ADAM12: variants seen among roughly 807,000 people sequenced by gnomAD.
ADAM12 encodes the protein ADAM metallopeptidase domain 12.
A neutral mutation model predicts 106.4 loss-of-function variants in ADAM12; 70 were observed. That is an observed-to-expected ratio of 0.66 (90% confidence interval 0.54 to 0.80). ADAM12 has a LOEUF of 0.80. ADAM12 is among the 30% of genes least tolerant of loss of function. The pLI, the probability that ADAM12 is intolerant of heterozygous loss-of-function variation, is 0.00. For synonymous variants in ADAM12, 420 were observed against 433.5 expected, an observed-to-expected ratio of 0.97 and a Z score of 0.39; for missense variants, 1,010 against 1,171.9, an observed-to-expected ratio of 0.86 and a Z score of 2.02.
intron 2 of ADAM12, among the ~76,000 whole-genome samples, chr10:126,311,210 G>A (rs761901481): frequency 1.8e-4 from 28 of 151,674 alleles, no homozygotes; most frequent in Non-Finnish European, 3.4e-4. Context: ...AAATTTAACC[G>A]GGCATCCTAT....
At chr10:126,142,939 T>C (rs911512584) in intron 4 of ADAM12, among the ~76,000 whole-genome samples, 7 of 152,042 alleles carry the variant, frequency 4.6e-5, no homozygotes, top group Admixed American at 4.6e-4. Context: ...TGCATGGGTG[T>C]GCATGTGTAT....
At chr10:126,193,821 C>T (rs548794476) in intron 3 of ADAM12, among the ~76,000 whole-genome samples, 98 of 152,082 alleles carry the variant, frequency 6.4e-4, no homozygotes, top group African/African-American at 2.0e-3. Context: ...CTCTTGAATT[C>T]GGGAGGCAGA....
At chr10:126,373,025 G>T (rs577976029) in intron 1 of ADAM12, among the ~76,000 whole-genome samples, 1 of 152,300 alleles carries the variant, frequency 6.6e-6, no homozygotes, top group Non-Finnish European at 1.5e-5. Context: ...CCAAATTTTA[G>T]TGGCAAATCA....
At chr10:126,276,453 T>A (rs1339373042) in intron 3 of ADAM12, among the ~76,000 whole-genome samples, 4 of 152,226 alleles carry the variant, frequency 2.6e-5, no homozygotes, top group African/African-American at 7.2e-5. Context: ...AGCATTTCAC[T>A]CTACTTGATT....
At position 126,183,339 on chromosome 10, in the gene ADAM12, G is replaced by A. The variant is rs535075079; in HGVS notation, c.261-28034C>T. On this transcript the variant is annotated intron_variant, in intron 3 of 22. Coordinates refer to ENST00000448723, the MANE Select transcript of ADAM12 (RefSeq NM_001288973.2). The stretch of plus-strand genomic sequence containing the variant: ...CCCTCAACCCCATTCCATGGAAAAA[G>A]TGTCTTCCACAAAACTGGTCCCTGG... Among the ~76,000 whole-genome samples the A allele has an allele frequency of 4.6e-5, 7 of 152,282 alleles. No individual in the cohort carries two copies. In the South Asian group the frequency reaches 1.5e-3, roughly 32 times the overall value.
intron 4 of ADAM12, among the ~76,000 whole-genome samples, chr10:126,136,029 G>A (rs892678728): frequency 4.6e-5 from 7 of 152,124 alleles, no homozygotes; most frequent in African/African-American, 1.2e-4. Flanking sequence ...AGAACTGTAG[G>A]GGGTATTTAA....
intron 1 of ADAM12, among the ~76,000 whole-genome samples, chr10:126,381,498 T>TA (rs1856491826): frequency 1.3e-5 from 2 of 151,932 alleles, no homozygotes; most frequent in Non-Finnish European, 2.9e-5. Context: ...ATTATATTTT[T>TA]TAAAAAAAAA....
intron 3 of ADAM12, among the ~76,000 whole-genome samples, chr10:126,245,329 G>A (rs574947265): frequency 3.0e-4 from 46 of 152,344 alleles, no homozygotes; most frequent in African/African-American, 9.4e-4. Context: ...CAGAGACGCT[G>A]AAGAACATGG....
intron 2 of ADAM12, among the ~76,000 whole-genome samples, chr10:126,281,864 T>C (rs937476144): frequency 6.6e-6 from 1 of 152,246 alleles, no homozygotes; most frequent in Non-Finnish European, 1.5e-5. Context: ...TGCTGCTCTA[T>C]TATTTTAATT....
In ADAM12 at chr10:126,066,987, A is replaced by G; in HGVS notation, c.1324-181T>C. ...CAAAGCTTCTGCTTTTTATGAACCA[A>G]CTGGGTCTACGAGTCCCTGGAAAAA... On this transcript the variant is annotated intron_variant, in intron 12 of 22. Coordinates refer to ENST00000448723, the MANE Select transcript of ADAM12 (RefSeq NM_001288973.2). This position sits in a 1 kb window ranked among gnomAD's most constrained non-coding sequence, Gnocchi z 5.1. 1 of 587,494 alleles carries G rather than the reference A, an allele frequency of 1.7e-6. No homozygotes were observed. Among genetic ancestry groups the G allele is most frequent in the African/African-American group, 1.9e-5 (1 of 53,700 alleles). The allele number at this position is 587,494 out of a possible 1,614,324, so 36.4% of individuals were successfully genotyped here.
At chr10:126,315,838 T>C (rs1853842508) in intron 2 of ADAM12, among the ~76,000 whole-genome samples, 1 of 152,198 alleles carries the variant, frequency 6.6e-6, no homozygotes, top group Admixed American at 6.5e-5. Flanking sequence ...ATGCCCACTC[T>C]CAATGCTCTT....
At chr10:126,164,916 G>A (rs1003187113) in intron 3 of ADAM12, among the ~76,000 whole-genome samples, 3 of 152,296 alleles carry the variant, frequency 2.0e-5, no homozygotes, top group Non-Finnish European at 2.9e-5. Context: ...AAGAAGTATC[G>A]AAGACATCTG....
At chr10:126,362,938 C>A (rs1050255890) in intron 1 of ADAM12, among the ~76,000 whole-genome samples, 6 of 152,088 alleles carry the variant, frequency 3.9e-5, no homozygotes, top group Non-Finnish European at 5.9e-5. Flanking sequence ...AAATAAACTG[C>A]AAATGCTCCC....
At chr10:126,054,035 AC>A (rs1954571947) in intron 14 of ADAM12, among the ~76,000 whole-genome samples, 1 of 152,124 alleles carries the variant, frequency 6.6e-6, no homozygotes, top group African/African-American at 2.4e-5. Flanking sequence ...TTTCCATGGC[AC>A]ATTCCCTGCA....
intron 1 of ADAM12, among the ~76,000 whole-genome samples, chr10:126,375,707 A>AC (rs1554877305): frequency 3.4e-5 from 5 of 148,626 alleles, no homozygotes; most frequent in African/African-American, 7.3e-5. Context: ...TAAAAAAAAA[A>AC]AAAACAAGGA....
At chr10:126,042,315 G>A in intron 18 of ADAM12, 1 of 1,553,802 alleles carries the variant, frequency 6.4e-7, no homozygotes, top group Non-Finnish European at 8.7e-7. Context: ...CACCGCACCA[G>A]TAAACCATTT....
At chr10:126,087,456 G>A in intron 11 of ADAM12, among the ~76,000 whole-genome samples, 1 of 152,134 alleles carries the variant, frequency 6.6e-6, no homozygotes, top group East Asian at 1.9e-4. Flanking sequence ...TCTTACCAGA[G>A]TTCCTCATTC....
chr10:126,165,178 T>G (rs1003134769), intron 3 of ADAM12, among the ~76,000 whole-genome samples: 5 of 152,104 alleles, frequency 3.3e-5, no homozygotes, highest in African/African-American at 1.2e-4. Context: ...GCATTCACTT[T>G]TTTTTTTGAG....
chr10:126,109,967 C>T (rs1955841115), intron 6 of ADAM12, 127 bp from the exon 7 acceptor site: 3 of 759,872 alleles, frequency 3.9e-6, no homozygotes, highest in Admixed American at 2.6e-5. Context: ...GCCCCCACAC[C>T]TCCATTCCAT....
Sources: allele counts gnomAD v4.1 joint callset (sites outside exome capture counted in the v4.1 genomes callset), GRCh38; gene constraint gnomAD v4.1.1; non-coding constraint Gnocchi (gnomAD v3.1); transcripts MANE v1.5; gene names NCBI Gene and HGNC (gene_info 2026-07-23, HGNC 2026-07-21).